UBN2: variants seen among roughly 807,000 people sequenced by gnomAD.
UBN2 encodes the protein ubinuclein 2, also known as ubinuclein-2.
UBN2 carries 35 observed loss-of-function variants against 120.2 expected under a neutral mutation model. That is an observed-to-expected ratio of 0.29 (90% CI 0.22 to 0.39). UBN2 has a LOEUF of 0.39. Among genes scored for constraint, UBN2 ranks in the 10% least tolerant of loss-of-function variants. UBN2 has a pLI of 1.00. For missense variants in UBN2, 1,693 were observed against 1,663.2 expected, an observed-to-expected ratio of 1.02 and a Z score of -0.31; for synonymous variants, 661 against 648.7, an observed-to-expected ratio of 1.02 and a Z score of -0.29.
At chr7:139,294,967 G>A (rs181937185) in intron 17 of UBN2, among the ~76,000 whole-genome samples, 14 of 152,208 alleles carry the variant, frequency 9.2e-5, no homozygotes, top group African/African-American at 3.4e-4. Context: ...CCAGCTTCTC[G>A]TTTTCCCCAG....
intron 15 of UBN2, among the ~76,000 whole-genome samples, chr7:139,292,707 C>T (rs529407483): frequency 2.0e-5 from 3 of 152,200 alleles, no homozygotes; most frequent in South Asian, 4.2e-4. Flanking sequence ...GATATTTATA[C>T]AGGAAAGTTC....
chr7:139,261,177 T>A (rs1406193676), intron 5 of UBN2, 75 bp from the exon 6 acceptor site: 1 of 1,480,840 alleles, frequency 6.8e-7, no homozygotes. Context: ...ATTTTAATTC[T>A]GTGCCTGCTT....
intron 2 of UBN2, among the ~76,000 whole-genome samples, chr7:139,246,106 T>C (rs904420529): frequency 1.3e-5 from 2 of 152,190 alleles, no homozygotes; most frequent in Non-Finnish European, 2.9e-5. Flanking sequence ...GGCTCACATC[T>C]GTAATCCCAG....
intron 14 of UBN2, 36 bp from the exon 15 acceptor site, chr7:139,282,988 C>T: frequency 5.7e-5 from 79 of 1,396,298 alleles, no homozygotes; most frequent in South Asian, 2.5e-4. Context: ...TTTTATTCAC[C>T]ATTTCTATTT....
Position 139,231,916 on chromosome 7 carries a change from C to A in UBN2, c.432C>A (p.Phe144Leu). 3 of 1,587,280 alleles carry A rather than the reference C, an allele frequency of 1.9e-6. No homozygotes were observed. The highest frequency in any genetic ancestry group is 2.6e-6 in the Non-Finnish European group (3 of 1,172,918). The change falls in exon 1 of 18, where the codon TTC (phenylalanine) becomes TTA (leucine). Residue 144 changes from phenylalanine to leucine, a missense_variant. Physicochemically the swap from Phe to Leu is conservative, Grantham distance 22 (BLOSUM62 0). This residue lies in a region of UBN2 where 663 missense variants were observed against 591.2 expected (regional missense o/e 1.12). Transcript: ENST00000473989. ...CCACCGACGAGAGCTGCGTGGAGTT[C>A]AGTTACCCGGAGCTGCTGCTGTGCG... ...KDPTDESCVE[F>L]SYPELLLCGE...
chr7:139,324,123 C>A, the UBN2 span, among the ~76,000 whole-genome samples: 1 of 152,142 alleles, frequency 6.6e-6, no homozygotes, highest in Non-Finnish European at 1.5e-5. Flanking sequence ...CAATTCCTGT[C>A]CGCTTGAAAG....
Position 139,283,978 on chromosome 7 carries a change from C to A in UBN2, c.3073C>A (p.Gln1025Lys). Residue 1025 changes from glutamine (Q) to lysine (K), a missense_variant, in exon 15 of 18, where the codon CAG becomes AAG. Physicochemically the swap from Gln to Lys is moderately conservative, Grantham distance 53. Around this residue, in one of 5 missense-constraint regions of UBN2, gnomAD observed 837 missense variants for 817.6 expected, o/e 1.02. Transcript: ENST00000473989. Reference sequence around the variant, plus strand: ...GGCTATGGTGTCACAGATCTCCACGCAGGGTTTCAAATCTCCCTTCTCGAT... The same window carrying A: ...GGCTATGGTGTCACAGATCTCCACGAAGGGTTTCAAATCTCCCTTCTCGAT... ...AKAMVSQIST[Q>K]GFKSPFSMAA... 6.2e-7 allele frequency: 1 copy of A among 1,614,086 alleles called. No homozygotes were observed. Among genetic ancestry groups the A allele is most frequent in the Non-Finnish European group, 8.5e-7 (1 of 1,180,008 alleles).
At chr7:139,326,332 C>T in the UBN2 span, among the ~76,000 whole-genome samples, 2 of 152,282 alleles carry the variant, frequency 1.3e-5, no homozygotes, top group East Asian at 1.9e-4. Context: ...CACACACACA[C>T]GTTGAAAATG....
chr7:139,261,047 G>A (rs1796915672), intron 5 of UBN2, among the ~76,000 whole-genome samples: 1 of 152,102 alleles, frequency 6.6e-6, no homozygotes, highest in South Asian at 2.1e-4. Flanking sequence ...TCACTGTAAT[G>A]GCCATTTACC....
At chr7:139,279,895 A>G (rs1464994172) in intron 13 of UBN2, among the ~76,000 whole-genome samples, 1 of 152,210 alleles carries the variant, frequency 6.6e-6, no homozygotes, top group East Asian at 1.9e-4. Context: ...AAGGACTAGA[A>G]AGAAATCCAG....
At chr7:139,275,222 G>A (rs1350000976) in intron 11 of UBN2, among the ~76,000 whole-genome samples, 1 of 146,466 alleles carries the variant, frequency 6.8e-6, no homozygotes, top group African/African-American at 2.5e-5. Context: ...AGGTTACAGT[G>A]AGCCGAGATT....
At chr7:139,320,485 A>G in the UBN2 span, among the ~76,000 whole-genome samples, 2 of 152,000 alleles carry the variant, frequency 1.3e-5, no homozygotes, top group African/African-American at 2.4e-5. Context: ...ATTTCACCCA[A>G]CACTTTAAGG....
At chr7:139,256,906 A>G (rs1012449285) in intron 3 of UBN2, among the ~76,000 whole-genome samples, 1 of 152,152 alleles carries the variant, frequency 6.6e-6, no homozygotes, top group African/African-American at 2.4e-5. Flanking sequence ...CATTCTCCAT[A>G]TAATTGAAAA....
chr7:139,231,766 G>C lies in UBN2; in HGVS notation c.282G>C (p.Glu94Asp). ...MSLQREPPRP[E>D]PPPPFPPLPL... The stretch of plus-strand genomic sequence containing the variant: ...TGCAGCGGGAGCCCCCGCGGCCCGA[G>C]CCGCCGCCGCCGTTCCCGCCGCTGC... The change falls in exon 1 of 18, where the codon GAG (glutamate) becomes GAC (aspartate). Residue 94 changes from glutamate to aspartate, a missense_variant. Coordinates refer to ENST00000473989, the MANE Select transcript of UBN2 (RefSeq NM_173569.4). 4 of 1,244,928 alleles carry C rather than the reference G, an allele frequency of 3.2e-6. No individual in the cohort carries two copies. The highest frequency in any genetic ancestry group is 3.0e-6 in the Non-Finnish European group (3 of 999,544). The allele number at this position is 1,244,928 out of a possible 1,614,324, so 77.1% of individuals were successfully genotyped here. A position where few individuals can be genotyped will look rare whatever the true frequency, so the allele number is the denominator to read the frequency against.
rs1319669377 is a variant in UBN2 at position 139,305,272 on chromosome 7, A to C, written c.*7436A>C. ...CTCTTAATCATATTGCTACACTAGA[A>C]TATGAATTGTATATTAGGAGTCTGG... is the stretch of plus-strand genomic sequence containing the variant. On this transcript the variant is annotated 3_prime_UTR_variant, in exon 18 of 18. Coordinates refer to ENST00000473989, the MANE Select transcript of UBN2 (RefSeq NM_173569.4). The C allele has an allele frequency of 6.6e-6, 1 of 152,194 alleles. No homozygotes were observed. Among genetic ancestry groups the C allele is most frequent in the Non-Finnish European group, 1.5e-5 (1 of 68,028 alleles). 9.4% of individuals were successfully genotyped at this position (152,194 alleles called of 1,614,324 possible).
the UBN2 span, among the ~76,000 whole-genome samples, chr7:139,325,996 G>A: frequency 6.6e-6 from 1 of 151,752 alleles, no homozygotes; most frequent in Admixed American, 6.6e-5. Context: ...TTTGAGACCA[G>A]CCTGGTCAAC....
intron 6 of UBN2, 68 bp downstream of exon 6, chr7:139,261,809 T>A: frequency 1.3e-6 from 2 of 1,488,434 alleles, no homozygotes; most frequent in Non-Finnish European, 9.0e-7. Context: ...TTTGTTCGTT[T>A]GTTTTTATTT....
In UBN2 at chr7:139,259,349, A is replaced by G. The variant is rs376864625; in HGVS notation, c.884A>G (p.Lys295Arg). The part of the protein sequence containing the change: ...EEGEKEKKPR[K>R]KVPKQLGVVA... ...GGGGAAAAGGAGAAGAAGCCAAGGA[A>G]AAAAGTTCCCAAACAACTGGGGTAC... The change falls in exon 5 of 18, where the codon AAA (lysine) becomes AGA (arginine). Residue 295 changes from lysine to arginine, a missense_variant. Coordinates refer to ENST00000473989, the MANE Select transcript of UBN2 (RefSeq NM_173569.4). The G allele has an allele frequency of 2.8e-5, 45 of 1,613,884 alleles. No homozygotes were observed. Among genetic ancestry groups the G allele is most frequent in the Non-Finnish European group, 3.6e-5 (43 of 1,179,950 alleles).
At chr7:139,325,632 A>G in the UBN2 span, among the ~76,000 whole-genome samples, 2 of 152,142 alleles carry the variant, frequency 1.3e-5, no homozygotes, top group African/African-American at 4.8e-5. Flanking sequence ...ATGCACACGC[A>G]TGTATACTCT....
Sources: allele counts gnomAD v4.1 joint callset (sites outside exome capture counted in the v4.1 genomes callset), GRCh38; gene constraint gnomAD v4.1.1; regional missense constraint gnomAD v4.1.1; transcripts MANE v1.5; gene names NCBI Gene and HGNC (gene_info 2026-07-23, HGNC 2026-07-21).